The following ZNF423 variants were observed in gnomAD, a reference collection of about 807,000 sequenced individuals.
ZNF423 encodes the protein Ebf-associated zinc finger protein.
ZNF423 carries 12 observed loss-of-function variants against 95.8 expected under a neutral mutation model. That is an observed-to-expected ratio of 0.13 (90% CI 0.08 to 0.20). The LOEUF (loss-of-function observed/expected upper bound fraction) is 0.20, where lower values mean the gene tolerates loss of function less well. Among genes scored for constraint, ZNF423 ranks in the 10% least tolerant of loss-of-function variants. ZNF423 has a pLI of 1.00. For synonymous variants in ZNF423, 749 were observed against 711.9 expected (o/e 1.05, Z -0.83); for missense variants, 1,316 against 1,737.1 (o/e 0.76, Z 4.31).
intron 3 of ZNF423, among the ~76,000 whole-genome samples, chr16:49,688,204 C>T (rs988491154): frequency 3.3e-5 from 5 of 152,112 alleles, no homozygotes; most frequent in African/African-American, 1.2e-4. Context: ...AAGGATTGCC[C>T]AGGGACCGAG....
At chr16:49,535,877 C>A (rs1343417274) in intron 5 of ZNF423, among the ~76,000 whole-genome samples, 2 of 152,198 alleles carry the variant, frequency 1.3e-5, no homozygotes, top group Non-Finnish European at 2.9e-5. Context: ...GCCTAAACAT[C>A]CATCATGTTA....
In ZNF423 at chr16:49,638,278, T is replaced by C. The variant is rs924279203; in HGVS notation, c.898A>G (p.Lys300Glu). 6 of 1,613,314 alleles carry C rather than the reference T, an allele frequency of 3.7e-6. No homozygotes were observed. The Admixed American group carries it at 6.7e-5, about 18-fold the overall frequency. ...CAGTGAATGCACTGCAGGTCCGCCTTCTCGGACAGCTGCGGGTGGCGGGTG... is the reference window on the plus strand; with the variant it reads ...CAGTGAATGCACTGCAGGTCCGCCTCCTCGGACAGCTGCGGGTGGCGGGTG... ...VLTRHPQLSE[K>E]ADLQCIHCPE... is the part of the protein sequence containing the mutation. Residue 300 changes from lysine (K) to glutamate (E), a missense_variant, in exon 4 of 8, where the codon AAG becomes GAG. Physicochemically the swap from Lys to Glu is moderately conservative, Grantham distance 56. This residue lies in a region of ZNF423 where 399 missense variants were observed against 478.5 expected (regional missense o/e 0.83). Coordinates refer to ENST00000563137, the MANE Select transcript of ZNF423 (RefSeq NM_001379286.1). This position sits in a 1 kb window ranked among gnomAD's most constrained non-coding sequence, Gnocchi z 5.6.
At chr16:49,813,130 T>C (rs1169727930) in intron 1 of ZNF423, among the ~76,000 whole-genome samples, 1 of 152,064 alleles carries the variant, frequency 6.6e-6, no homozygotes, top group African/African-American at 2.4e-5. Flanking sequence ...CTTGCTGCTC[T>C]CTCTCAACTC....
intron 2 of ZNF423, among the ~76,000 whole-genome samples, chr16:49,775,680 T>C (rs1202241846): frequency 6.6e-6 from 1 of 152,190 alleles, no homozygotes; most frequent in African/African-American, 2.4e-5. Flanking sequence ...TTGTGCTGTG[T>C]GTGTTCACCT....
chr16:49,580,944 A>G (rs1970652611), intron 5 of ZNF423, among the ~76,000 whole-genome samples: 1 of 152,206 alleles, frequency 6.6e-6, no homozygotes, highest in South Asian at 2.1e-4. Flanking sequence ...AGCCAGGCCC[A>G]CCACATGCAC....
intron 3 of ZNF423, among the ~76,000 whole-genome samples, chr16:49,653,838 C>T (rs986120964): frequency 6.6e-6 from 1 of 152,198 alleles, no homozygotes; most frequent in Non-Finnish European, 1.5e-5. Context: ...CAGGGCACTA[C>T]CTGTTTATAT....
intron 1 of ZNF423, among the ~76,000 whole-genome samples, chr16:49,846,374 G>A (rs915260150): frequency 6.6e-6 from 1 of 151,602 alleles, no homozygotes. Context: ...AAGTGTGTAC[G>A]TCCAGGCTGG....
intron 2 of ZNF423, among the ~76,000 whole-genome samples, chr16:49,783,548 G>C (rs983044237): frequency 1.4e-5 from 2 of 139,154 alleles, no homozygotes; most frequent in Non-Finnish European, 3.1e-5. Context: ...GTTAGGTTTA[G>C]TAGCAGGCTG....
chr16:49,655,439 T>C (rs893683588), intron 3 of ZNF423, among the ~76,000 whole-genome samples: 1 of 152,100 alleles, frequency 6.6e-6, no homozygotes, highest in African/African-American at 2.4e-5. Context: ...AGGAAAACAG[T>C]GATCAGTGAC....
intron 2 of ZNF423, among the ~76,000 whole-genome samples, chr16:49,763,167 A>T (rs1003011463): frequency 2.0e-5 from 3 of 152,194 alleles, no homozygotes; most frequent in African/African-American, 4.8e-5. Flanking sequence ...TGTGCCCAGC[A>T]TCCCTTTCTT....
chr16:49,583,023 AAAAT>A (rs1970719337), intron 5 of ZNF423, among the ~76,000 whole-genome samples: 1 of 152,220 alleles, frequency 6.6e-6, no homozygotes, highest in Non-Finnish European at 1.5e-5. Context: ...CGACCTACTC[AAAAT>A]TGGGCTCTGC....
At chr16:49,625,818 A>T (rs568631554) in intron 5 of ZNF423, among the ~76,000 whole-genome samples, 4 of 152,368 alleles carry the variant, frequency 2.6e-5, no homozygotes, top group East Asian at 1.9e-4. Flanking sequence ...TGAGTAGGGA[A>T]ATGTGAGCAG....
At chr16:49,781,206 A>G (rs1049159404) in intron 2 of ZNF423, among the ~76,000 whole-genome samples, 2 of 152,186 alleles carry the variant, frequency 1.3e-5, no homozygotes, top group Non-Finnish European at 2.9e-5. Context: ...GGAGCCCCTG[A>G]GAAAATCTCC....
rs774926063 is a variant in ZNF423, at chr16:49,789,540, T to A, written c.47A>T (p.Glu16Val). 7.4e-6 allele frequency: 12 copies of A among 1,611,496 alleles called. No homozygotes were observed. The highest frequency in any genetic ancestry group is 6.8e-6 in the Non-Finnish European group (8 of 1,179,368). Residue 16 changes from glutamate to valine, a missense_variant, in exon 2 of 8, where the codon GAG becomes GTG. By Grantham distance (121) the Glu-to-Val change is moderately radical (BLOSUM62 -2). Around this residue, in one of 6 missense-constraint regions of ZNF423, gnomAD observed 155 missense variants for 170.8 expected, o/e 0.91. Transcript: ENST00000563137. ...CAGCGAGAAGTCTGAGGCCTCCCCC[T>A]CTTCAACTGAAAGAGAGAACAGAGA... ...QAKPRSVKVE[E>V]GEASDFSLAW...
At chr16:49,627,598 TACTC>T (rs1972341782) in intron 4 of ZNF423, among the ~76,000 whole-genome samples, 1 of 140,474 alleles carries the variant, frequency 7.1e-6, no homozygotes, top group African/African-American at 2.7e-5. Flanking sequence ...CATTTATCTA[TACTC>T]ACTCACCCAT....
chr16:49,507,724 G>C (rs957017063), intron 7 of ZNF423, among the ~76,000 whole-genome samples: 19 of 152,240 alleles, frequency 1.2e-4, no homozygotes, highest in Admixed American at 7.2e-4. Context: ...AAAATGGTGA[G>C]AGTCAAGAGC....
chr16:49,800,588 AC>A, intron 1 of ZNF423, among the ~76,000 whole-genome samples: 1 of 152,092 alleles, frequency 6.6e-6, no homozygotes, highest in Non-Finnish European at 1.5e-5. Context: ...ACACACACAC[AC>A]ACACACACAC....
Position 49,558,883 on chromosome 16 carries a change from G to A in ZNF423, c.3602-33389C>T, listed in dbSNP as rs370665998. On this transcript the variant is annotated intron_variant, in intron 5 of 7. Coordinates refer to ENST00000563137, the MANE Select transcript of ZNF423 (RefSeq NM_001379286.1). ...GAAGCACCAAGGTGTACCTGGAAGC[G>A]AGCGGGGTTTTGGGGGGGTCCCACC... Among the ~76,000 whole-genome samples, 290 of 152,342 alleles carry A rather than the reference G, an allele frequency of 1.9e-3. 9 individuals are homozygous for A. The South Asian group carries it at 0.049, about 25-fold the overall frequency.
At chr16:49,529,172 G>A (rs1968745216) in intron 5 of ZNF423, among the ~76,000 whole-genome samples, 1 of 150,298 alleles carries the variant, frequency 6.7e-6, no homozygotes, top group Admixed American at 6.6e-5. Context: ...CCATAAGACA[G>A]ACCCACACAA....
Sources: allele counts gnomAD v4.1 joint callset (sites outside exome capture counted in the v4.1 genomes callset), GRCh38; gene constraint gnomAD v4.1.1; regional missense constraint gnomAD v4.1.1; non-coding constraint Gnocchi (gnomAD v3.1); transcripts MANE v1.5; gene names NCBI Gene and HGNC (gene_info 2026-07-23, HGNC 2026-07-21).